Variants in MFSD11 observed in about 807,000 individuals in gnomAD.
MFSD11 encodes UNC93-like protein MFSD11.
In MFSD11, 36 loss-of-function variants were observed where a neutral mutation model predicts 53.5. That is an observed-to-expected ratio of 0.67 (90% CI 0.52 to 0.89). The LOEUF (loss-of-function observed/expected upper bound fraction) is 0.89. Ranked by LOEUF, MFSD11 falls within the 40% of genes least tolerant of loss-of-function variation. The pLI, the probability that MFSD11 is intolerant of heterozygous loss-of-function variation, is 0.00. For missense variants in MFSD11, 530 were observed against 543.9 expected (o/e 0.97, Z 0.25); for synonymous variants, 186 against 184.9 (o/e 1.01, Z -0.05).
intron 11 of MFSD11, 57 bp downstream of exon 11, chr17:76,775,228 C>A: frequency 6.6e-7 from 1 of 1,516,954 alleles, no homozygotes; most frequent in Non-Finnish European, 9.0e-7. Context: ...TAACGGATGG[C>A]TAGATACTGA....
the MFSD11 span, among the ~76,000 whole-genome samples, chr17:76,788,341 C>G: frequency 6.7e-6 from 1 of 148,588 alleles, no homozygotes; most frequent in Non-Finnish European, 1.5e-5. Context: ...CATGCCCAGC[C>G]CAAAATATAT....
chr17:76,756,642 C>T (rs953213474), intron 8 of MFSD11, among the ~76,000 whole-genome samples: 61 of 152,090 alleles, frequency 4.0e-4, no homozygotes, highest in African/African-American at 1.2e-3. Flanking sequence ...GGGAGGATCA[C>T]TTGAGGTCCG....
At chr17:76,737,261 G>T, upstream of MFSD11, 1 of 1,429,592 alleles carries the variant, frequency 7.0e-7, no homozygotes, top group Non-Finnish European at 9.3e-7. Flanking sequence ...TCCGCGTGGG[G>T]ACACTGGGAA....
the MFSD11 span, among the ~76,000 whole-genome samples, chr17:76,797,229 A>G: frequency 2.0e-5 from 3 of 152,302 alleles, no homozygotes; most frequent in Non-Finnish European, 4.4e-5. Context: ...TGGCTACTCC[A>G]TAGACAGAGT....
intron 7 of MFSD11, among the ~76,000 whole-genome samples, chr17:76,752,440 A>G (rs2079138463): frequency 6.8e-6 from 1 of 146,840 alleles, no homozygotes; most frequent in South Asian, 2.1e-4. Context: ...TCTGTTGCCC[A>G]GGCTGGAGTG....
At chr17:76,771,540 A>G (rs2081377609) in intron 10 of MFSD11, among the ~76,000 whole-genome samples, 1 of 152,226 alleles carries the variant, frequency 6.6e-6, no homozygotes, top group Non-Finnish European at 1.5e-5. Context: ...GACAATAAAA[A>G]CAGAAATCTT....
At position 76,755,706 on chromosome 17, in the gene MFSD11, A is replaced by G. The variant is rs1361201459; in HGVS notation, c.682+1619A>G. ...TATATTCATAGTTTTTTACATATAT[A>G]TATGTGTATATATATGTGTATATGT... On this transcript the variant is annotated intron_variant, in intron 8 of 12. Transcript: ENST00000685175. 1.5e-4 allele frequency among the ~76,000 whole-genome samples: 21 copies of G among 143,160 alleles called. 2 individuals are homozygous for G. The highest frequency in any genetic ancestry group is 1.4e-3 in the Admixed American group (19 of 13,828). 93.9% of individuals were successfully genotyped at this position (143,160 alleles called of 152,430 possible).
rs888937007 is a variant in MFSD11 at position 76,741,799 on chromosome 17, T to G, written c.261-170T>G. The G allele has an allele frequency of 8.5e-6, 5 of 588,234 alleles. No homozygotes were observed. In the African/African-American group the frequency reaches 1.0e-4, roughly 12 times the overall value. The allele number at this position is 588,234 out of a possible 1,614,324, so 36.4% of individuals were successfully genotyped here. ...TGAGACCCTGTCTCAAAAAAATTAA[T>G]TAATTAAGAAATGAGAAAGTTGATT... On this transcript the variant is annotated intron_variant, in intron 3 of 12. Coordinates refer to ENST00000685175, the MANE Select transcript of MFSD11 (RefSeq NM_001242532.5).
intron 7 of MFSD11, among the ~76,000 whole-genome samples, chr17:76,745,200 T>C (rs1355565405): frequency 6.6e-5 from 10 of 152,252 alleles, no homozygotes. Context: ...TAGCATTTTA[T>C]ATATTGTTAA....
At chr17:76,794,083 C>T in the MFSD11 span, among the ~76,000 whole-genome samples, 5 of 151,498 alleles carry the variant, frequency 3.3e-5, no homozygotes, top group Admixed American at 1.3e-4. Context: ...GCACTTCTGA[C>T]CTCCAGAAGT....
rs1210692621 is a variant in MFSD11, at chr17:76,755,782, G to A, written c.682+1695G>A. Among the ~76,000 whole-genome samples, 237 of 29,106 alleles carry A rather than the reference G, an allele frequency of 8.1e-3. 2 individuals carry two copies. The highest frequency in any genetic ancestry group is 0.011 in the African/African-American group (174 of 15,188). 19.1% of individuals were successfully genotyped at this position (29,106 alleles called of 152,430 possible). A position where few individuals can be genotyped will look rare whatever the true frequency, so the allele number is the denominator to read the frequency against. ...TGTATATATGTACGTGTGTGTGTGT[G>A]TGTGTATACATATATATATATATAT... On this transcript the variant is annotated intron_variant, in intron 8 of 12. Transcript: ENST00000685175.
At chr17:76,777,007 C>T (rs955485437) in intron 12 of MFSD11, among the ~76,000 whole-genome samples, 3 of 151,872 alleles carry the variant, frequency 2.0e-5, no homozygotes, top group African/African-American at 7.3e-5. Flanking sequence ...GCGGCTCACA[C>T]TTGTAATCCC....
At chr17:76,773,970 T>C (rs1364836251) in intron 10 of MFSD11, among the ~76,000 whole-genome samples, 1 of 151,634 alleles carries the variant, frequency 6.6e-6, no homozygotes, top group African/African-American at 2.4e-5. Flanking sequence ...CTGTCACCCG[T>C]GCTGGAGTGC....
downstream of MFSD11, among the ~76,000 whole-genome samples, chr17:76,780,075 A>C (rs1279282896): frequency 6.6e-6 from 1 of 152,184 alleles, no homozygotes; most frequent in Non-Finnish European, 1.5e-5. Flanking sequence ...ATAAGAGCTC[A>C]CTTAAATTTT....
the MFSD11 span, among the ~76,000 whole-genome samples, chr17:76,797,771 A>G: frequency 6.6e-6 from 1 of 152,114 alleles, no homozygotes; most frequent in Non-Finnish European, 1.5e-5. Flanking sequence ...TTCAGATGCC[A>G]GTCCTAAATC....
At chr17:76,799,055 G>C in the MFSD11 span, 1 of 148,970 alleles carries the variant, frequency 6.7e-6, no homozygotes, top group Admixed American at 6.7e-5. Flanking sequence ...AAGAAAATAT[G>C]GAAATGCAAT....
At chr17:76,763,044 C>A (rs73999404) in intron 8 of MFSD11, among the ~76,000 whole-genome samples, 3 of 152,008 alleles carry the variant, frequency 2.0e-5, no homozygotes, top group Admixed American at 2.0e-4. Flanking sequence ...CTGAACTCCC[C>A]CAATGGTAAT....
the MFSD11 span, among the ~76,000 whole-genome samples, chr17:76,790,683 C>T: frequency 0.07 from 10,039 of 144,346 alleles, 1,663 homozygotes; most frequent in African/African-American, 0.23. Context: ...CTCGGCCGGG[C>T]GTGGTGGCTC....
At chr17:76,758,052 A>G (rs2144569702) in intron 8 of MFSD11, among the ~76,000 whole-genome samples, 1 of 152,262 alleles carries the variant, frequency 6.6e-6, no homozygotes, top group African/African-American at 2.4e-5. Context: ...CAAGAGACTT[A>G]TCCTAGTAAA....
Sources: gnomAD v4.1 joint callset for allele counts (sites outside exome capture counted in the v4.1 genomes callset) on GRCh38, gnomAD v4.1.1 for gene constraint, MANE v1.5 for transcripts, NCBI Gene and HGNC (gene_info 2026-07-23, HGNC 2026-07-21) for gene names.